The following NCAM1 variants were observed in gnomAD, a reference collection of about 807,000 sequenced individuals.
NCAM1 encodes the protein antigen recognized by monoclonal antibody 5.1H11.
In NCAM1, 14 loss-of-function variants were observed where a neutral mutation model predicts 109.8. The observed-to-expected ratio is 0.13, with a 90% CI of 0.08 to 0.20. The LOEUF (loss-of-function observed/expected upper bound fraction) is 0.20, where lower values mean the gene tolerates loss of function less well. NCAM1 is among the 10% of genes least tolerant of loss of function. The probability of loss-of-function intolerance (pLI) is 1.00; values close to 1 mark genes in which losing one functional copy is unlikely to be tolerated. For synonymous variants in NCAM1, 418 were observed against 442.9 expected, an observed-to-expected ratio of 0.94 and a Z score of 0.70; for missense variants, 774 against 1,109.9, an observed-to-expected ratio of 0.70 and a Z score of 4.30.
rs151131013 is a variant in NCAM1, at chr11:113,136,849, C to G, written c.53-65530C>G. Among the ~76,000 whole-genome samples the G allele has an allele frequency of 5.9e-5, 9 of 152,178 alleles. 1 individual carries two copies. The highest frequency in any genetic ancestry group is 2.2e-4 in the African/African-American group (9 of 41,518). On this transcript the variant is annotated intron_variant, in intron 1 of 19. Coordinates refer to ENST00000316851, the MANE Select transcript of NCAM1 (RefSeq NM_181351.5). ...ATAGACAACAGAGGGATAAATGGTC[C>G]CAGTGCAAGAGGAGGAGCTGAATGG...
At chr11:113,264,880 A>G (rs1946103405) in intron 17 of NCAM1, 2 of 985,426 alleles carry the variant, frequency 2.0e-6, no homozygotes, top group Non-Finnish European at 1.2e-6. Context: ...CCCACTCCCC[A>G]CGGACACTGA....
At chr11:113,077,950 G>A (rs544661571) in intron 1 of NCAM1, among the ~76,000 whole-genome samples, 1 of 152,236 alleles carries the variant, frequency 6.6e-6, no homozygotes, top group East Asian at 1.9e-4. Flanking sequence ...GCCTCCCAAA[G>A]TGCTGGAATT....
At chr11:113,249,368 G>C (rs532897653) in intron 15 of NCAM1, among the ~76,000 whole-genome samples, 94 of 152,328 alleles carry the variant, frequency 6.2e-4, no homozygotes, top group African/African-American at 2.0e-3. Context: ...CTAGGGTAGA[G>C]AGTCAGTGGG....
chr11:113,115,821 C>T (rs1160827829), intron 1 of NCAM1, among the ~76,000 whole-genome samples: 2 of 152,164 alleles, frequency 1.3e-5, no homozygotes, highest in African/African-American at 4.8e-5. Context: ...AGATTCTGCC[C>T]AGCTAAATGG....
At chr11:113,137,638 T>C (rs1245139) in intron 1 of NCAM1, among the ~76,000 whole-genome samples, 94,350 of 151,898 alleles carry the variant, frequency 0.62, 29,757 homozygotes, top group Admixed American at 0.74. Flanking sequence ...ACTTTAAAAG[T>C]TTTAAATGAC....
At chr11:113,024,865 G>A (rs1952490498) in intron 1 of NCAM1, among the ~76,000 whole-genome samples, 1 of 152,194 alleles carries the variant, frequency 6.6e-6, no homozygotes, top group Non-Finnish European at 1.5e-5. Context: ...AAATGTAAGT[G>A]AACTGCTGCA....
At chr11:113,173,611 TATATATATA>T (rs1555106594) in intron 1 of NCAM1, among the ~76,000 whole-genome samples, 1 of 140,802 alleles carries the variant, frequency 7.1e-6, no homozygotes, top group African/African-American at 2.6e-5. Context: ...TATATATATA[TATATATATA>T]TATATATTTT....
chr11:113,203,454 G>C (rs1408559802), intron 2 of NCAM1, among the ~76,000 whole-genome samples: 1 of 152,244 alleles, frequency 6.6e-6, no homozygotes, highest in Non-Finnish European at 1.5e-5. Context: ...GGTGCAGGCT[G>C]AGAAGGGCGC....
At chr11:113,230,984 C>T (rs1944987744) in intron 9 of NCAM1, among the ~76,000 whole-genome samples, 1 of 152,140 alleles carries the variant, frequency 6.6e-6, no homozygotes. Flanking sequence ...GTCAAGGATC[C>T]CAGACCTGCC....
intron 1 of NCAM1, among the ~76,000 whole-genome samples, chr11:112,988,751 A>ATTT (rs140491695): frequency 0.016 from 2,234 of 137,834 alleles, 60 homozygotes; most frequent in African/African-American, 0.041. Context: ...TTTCAACAGT[A>ATTT]TTTTTTTTTT....
chr11:113,191,126 C>T lies in NCAM1; in HGVS notation c.53-11253C>T, dbSNP rs75913561. On this transcript the variant is annotated intron_variant, in intron 1 of 19. Transcript: ENST00000316851. ...AAATGAAAATCCAACTAGCAGCCCC[C>T]GACCCCATCCCTGTTGGCATCCACC... is the stretch of plus-strand genomic sequence containing the variant. Among the ~76,000 whole-genome samples, 715 of 152,304 alleles carry T rather than the reference C, an allele frequency of 4.7e-3. 5 individuals carry two copies. Among genetic ancestry groups the T allele is most frequent in the African/African-American group, 0.017 (686 of 41,564 alleles).
At chr11:113,011,142 G>A (rs1442217393) in intron 1 of NCAM1, among the ~76,000 whole-genome samples, 1 of 126,104 alleles carries the variant, frequency 7.9e-6, no homozygotes, top group Non-Finnish European at 1.6e-5. Context: ...TCCCCAGAGT[G>A]TGATATTCCC....
At chr11:113,064,905 C>T (rs1418412331) in intron 1 of NCAM1, among the ~76,000 whole-genome samples, 1 of 152,038 alleles carries the variant, frequency 6.6e-6, no homozygotes, top group East Asian at 1.9e-4. Context: ...TGTATATACA[C>T]AGGTTAGTAT....
At chr11:113,108,094 A>G (rs1207289918) in intron 1 of NCAM1, among the ~76,000 whole-genome samples, 1 of 152,142 alleles carries the variant, frequency 6.6e-6, no homozygotes, top group African/African-American at 2.4e-5. Flanking sequence ...TAAGTCCCCA[A>G]ATTTTAATAT....
intron 1 of NCAM1, among the ~76,000 whole-genome samples, chr11:112,980,534 C>A (rs1050199570): frequency 1.3e-5 from 2 of 151,750 alleles, no homozygotes; most frequent in Non-Finnish European, 2.9e-5. Context: ...CATGGCTGAG[C>A]CTTGATTCAG....
intron 1 of NCAM1, among the ~76,000 whole-genome samples, chr11:113,058,618 T>C (rs1359149038): frequency 1.3e-5 from 2 of 152,204 alleles, no homozygotes; most frequent in Non-Finnish European, 2.9e-5. Context: ...CAATTTAGAG[T>C]TCGACTTTCT....
chr11:113,011,298 T>G (rs1952046003), intron 1 of NCAM1, among the ~76,000 whole-genome samples: 1 of 149,118 alleles, frequency 6.7e-6, no homozygotes, highest in African/African-American at 2.5e-5. Flanking sequence ...GAACTCATCA[T>G]TTTTTATGGC....
chr11:113,055,626 C>T (rs1246694316), intron 1 of NCAM1, among the ~76,000 whole-genome samples: 1 of 152,008 alleles, frequency 6.6e-6, no homozygotes, highest in Non-Finnish European at 1.5e-5. Flanking sequence ...CCAAGATGGC[C>T]CCTGTGATCC....
chr11:113,271,875 G>C lies in NCAM1; in HGVS notation c.2455G>C (p.Glu819Gln). The change falls in exon 19 of 20, where the codon GAG becomes CAG. Residue 819 changes from glutamate (E) to glutamine (Q), a missense_variant and splice_region_variant. Around this residue, in one of 4 missense-constraint regions of NCAM1, gnomAD observed 122 missense variants for 129.7 expected, o/e 0.94. Transcript: ENST00000316851. Reference protein sequence around the residue: ...PNETTPLTEPEKGPVEAKPEC... With the variant: ...PNETTPLTEPQKGPVEAKPEC... Reference sequence around the variant, plus strand: ...CGAGACCACGCCACTGACGGAGCCCGAGTACGTGGGCTGGGAGGGGCTGGC... The same window carrying C: ...CGAGACCACGCCACTGACGGAGCCCCAGTACGTGGGCTGGGAGGGGCTGGC... 1 of 1,559,206 alleles carries C rather than the reference G, an allele frequency of 6.4e-7. No individual in the cohort carries two copies. The highest frequency in any genetic ancestry group is 8.7e-7 in the Non-Finnish European group (1 of 1,152,056).
Sources: gnomAD v4.1 joint callset for allele counts (sites outside exome capture counted in the v4.1 genomes callset) on GRCh38, gnomAD v4.1.1 for gene constraint, gnomAD v4.1.1 regional missense constraint, MANE v1.5 for transcripts, NCBI Gene and HGNC (gene_info 2026-07-23, HGNC 2026-07-21) for gene names.